DBX1: variants seen among roughly 807,000 people sequenced by gnomAD.
The protein encoded by DBX1 is developing brain homeobox 1, also known as homeobox protein DBX1.
A neutral mutation model predicts 20.8 loss-of-function variants in DBX1; 10 were observed. The ratio of observed to expected loss-of-function variants is 0.48; its 90% CI spans 0.30 to 0.82. DBX1 has a LOEUF of 0.82. Ranked by LOEUF, DBX1 falls within the 40% of genes least tolerant of loss-of-function variation. The probability of loss-of-function intolerance (pLI) is 0.07; values close to 1 mark genes in which losing one functional copy is unlikely to be tolerated. For missense variants in DBX1, 505 were observed against 468.8 expected (o/e 1.08, Z -0.71); for synonymous variants, 241 against 213.9 (o/e 1.13, Z -1.11).
chr11:20,158,538 T>C lies in DBX1; in HGVS notation c.469+653A>G, dbSNP rs1348782665. 6.6e-5 allele frequency among the ~76,000 whole-genome samples: 10 copies of C among 152,168 alleles called. No homozygotes were observed. In the South Asian group the frequency reaches 8.3e-4, roughly 13 times the overall value. On this transcript the variant is annotated intron_variant, in intron 2 of 3. Transcript: ENST00000524983. ...TTATGGGCTTTCTTCTAACTGCTTC[T>C]TATTTTGCAAGATCAACGGTATTTT...
chr11:20,158,016 A>C (rs1003532920), intron 2 of DBX1, among the ~76,000 whole-genome samples: 4 of 152,180 alleles, frequency 2.6e-5, no homozygotes, highest in African/African-American at 9.7e-5. Context: ...AAAGAGATTT[A>C]CACTTTCAAA....
intron 2 of DBX1, among the ~76,000 whole-genome samples, chr11:20,158,089 G>C (rs563940159): frequency 9.2e-5 from 14 of 152,000 alleles, no homozygotes; most frequent in Non-Finnish European, 1.8e-4. Context: ...TCTCTTCCCC[G>C]AATCGTTTTC....
chr11:20,160,003 GA>G lies in DBX1; in HGVS notation c.321del (p.Leu108Ter). The G allele has an allele frequency of 6.2e-7, 1 of 1,613,426 alleles. No individual in the cohort carries two copies. Among genetic ancestry groups the G allele is most frequent in the Non-Finnish European group, 8.5e-7 (1 of 1,179,780 alleles). On this transcript the variant is annotated frameshift_variant, in exon 1 of 4. Transcript: ENST00000524983. LOFTEE classifies it high-confidence loss of function. ...AGGATGGCGTTCACTCCAAACTTCAGAAACGTCGTCTCGCTGGCAGGGGAGA... is the reference window on the plus strand; with the variant it reads ...AGGATGGCGTTCACTCCAAACTTCAGAACGTCGTCTCGCTGGCAGGGGAGA... ...TAFSPASETTFLKFGVNAILS... is the reference protein window; with the variant it reads ...TAFSPASETTXLKFGVNAILS...
At chr11:20,158,210 TGG>T (rs2063670047) in intron 2 of DBX1, among the ~76,000 whole-genome samples, 1 of 46,720 alleles carries the variant, frequency 2.1e-5, no homozygotes, top group African/African-American at 7.0e-5. Context: ...TGAATGGTGG[TGG>T]TGGTGGTGGT....
Position 20,157,668 on chromosome 11 carries a change from G to GT in DBX1, c.470-430dup, listed in dbSNP as rs1290015089. Among the ~76,000 whole-genome samples, 42 of 152,232 alleles carry GT rather than the reference G, an allele frequency of 2.8e-4. 1 individual carries two copies. In the Middle Eastern group the frequency reaches 0.01, roughly 37 times the overall value. On this transcript the variant is annotated intron_variant, in intron 2 of 3. Coordinates refer to ENST00000524983, the MANE Select transcript of DBX1 (RefSeq NM_001029865.4). ...TTTGCATTCTTTAGATGAAAATGAGGTGCTTTACTATTTTGATAAAGAGGG... is the reference window on the plus strand; with the variant it reads ...TTTGCATTCTTTAGATGAAAATGAGGTTGCTTTACTATTTTGATAAAGAGGG...
At chr11:20,158,286 T>C (rs976456965) in intron 2 of DBX1, among the ~76,000 whole-genome samples, 9 of 151,730 alleles carry the variant, frequency 5.9e-5, no homozygotes, top group African/African-American at 1.9e-4. Context: ...CTTTAAAAAA[T>C]CAATTGCTTG....
In DBX1 at chr11:20,156,683, G is replaced by C. The variant is rs759884203; in HGVS notation, c.673-110C>G. 5 of 1,488,900 alleles carry C rather than the reference G, an allele frequency of 3.4e-6. No homozygotes were observed. The East Asian group carries it at 6.8e-5, about 20-fold the overall frequency. The allele number at this position is 1,488,900 out of a possible 1,614,324, so 92.2% of individuals were successfully genotyped here. ...GTCGGGTGCAGGCTCTGTCCTTCGG[G>C]CTGTGTCCTCTCCCCACCCCCAGAA... On this transcript the variant is annotated intron_variant, in intron 3 of 3. Coordinates refer to ENST00000524983, the MANE Select transcript of DBX1 (RefSeq NM_001029865.4). The surrounding 1 kb of genome is among the most constrained non-coding windows in gnomAD (Gnocchi z 4.8).
rs541673912 is a variant in DBX1 at position 20,156,813 on chromosome 11, G to C, written c.672+224C>G. On this transcript the variant is annotated intron_variant, in intron 3 of 3. Coordinates refer to ENST00000524983, the MANE Select transcript of DBX1 (RefSeq NM_001029865.4). This position sits in a 1 kb window ranked among gnomAD's most constrained non-coding sequence, Gnocchi z 4.8. ...GCCCCGAAGGGCGGGGTTGGGGGCC[G>C]GTGAGGCCGGGAGAGAAGGCGGGGA... The C allele has an allele frequency of 5.2e-6, 4 of 771,002 alleles. No individual in the cohort carries two copies. Among genetic ancestry groups the C allele is most frequent in the African/African-American group, 3.4e-5 (2 of 57,998 alleles). 47.8% of individuals were successfully genotyped at this position (771,002 alleles called of 1,614,324 possible).
intron 2 of DBX1, among the ~76,000 whole-genome samples, chr11:20,157,882 C>T (rs1421039382): frequency 6.6e-6 from 1 of 150,838 alleles, no homozygotes. Context: ...TTGCTTTAAG[C>T]GAAAGAAAAA....
chr11:20,158,774 G>A (rs998009000), intron 2 of DBX1, among the ~76,000 whole-genome samples: 2 of 152,080 alleles, frequency 1.3e-5, no homozygotes, highest in Middle Eastern at 3.2e-3. Flanking sequence ...TCTCGGCGGC[G>A]TGGAGGGACT....
At position 20,156,680 on chromosome 11, in the gene DBX1, C is replaced by G. The variant is rs369859074; in HGVS notation, c.673-107G>C. On this transcript the variant is annotated intron_variant, in intron 3 of 3. Coordinates refer to ENST00000524983, the MANE Select transcript of DBX1 (RefSeq NM_001029865.4). The surrounding 1 kb of genome is among the most constrained non-coding windows in gnomAD (Gnocchi z 4.8). ...GGAGTCGGGTGCAGGCTCTGTCCTT[C>G]GGGCTGTGTCCTCTCCCCACCCCCA... is the stretch of plus-strand genomic sequence containing the variant. 6 of 1,506,110 alleles carry G rather than the reference C, an allele frequency of 4.0e-6. No homozygotes were observed. The highest frequency in any genetic ancestry group is 5.5e-6 in the Non-Finnish European group (6 of 1,085,904). 93.3% of individuals were successfully genotyped at this position (1,506,110 alleles called of 1,614,324 possible).
At position 20,156,367 on chromosome 11, in the gene DBX1, C is replaced by T; in HGVS notation, c.879G>A (p.Ala293=). 5 of 1,605,710 alleles carry T rather than the reference C, an allele frequency of 3.1e-6. No homozygotes were observed. Among genetic ancestry groups the T allele is most frequent in the Non-Finnish European group, 4.3e-6 (5 of 1,174,468 alleles). The change falls in exon 4 of 4, where the codon GCG becomes GCA. Residue 293 remains alanine, a synonymous_variant. Transcript: ENST00000524983. This position sits in a 1 kb window ranked among gnomAD's most constrained non-coding sequence, Gnocchi z 4.8. ...GSPSHRLAYH[A]SSDPQHLRDP... is the part of the protein sequence containing the mutation. Reference sequence around the variant, plus strand: ...CCCGCAGGTGCTGGGGGTCGGAGGACGCGTGGTAGGCCAGGCGGTGGCTGG... The same window carrying T: ...CCCGCAGGTGCTGGGGGTCGGAGGATGCGTGGTAGGCCAGGCGGTGGCTGG...
In DBX1 at chr11:20,160,387, C is replaced by T. The variant is rs61127830; in HGVS notation, c.-63G>A. 2.3e-3 allele frequency: 3,239 copies of T among 1,402,404 alleles called. 62 individuals carry two copies. In the African/African-American group the frequency reaches 0.04, roughly 17 times the overall value. The allele number at this position is 1,402,404 out of a possible 1,614,324, so 86.9% of individuals were successfully genotyped here. A position where few individuals can be genotyped will look rare whatever the true frequency, so the allele number is the denominator to read the frequency against. On this transcript the variant is annotated 5_prime_UTR_variant, in exon 1 of 4. Coordinates refer to ENST00000524983, the MANE Select transcript of DBX1 (RefSeq NM_001029865.4). ...GGCCGGAGGGTAAACGCCTCGCTTC[C>T]CGCCCCTCCCGCCCCCACAGTGTCC... is the stretch of plus-strand genomic sequence containing the variant.
chr11:20,160,107 GC>G lies in DBX1; in HGVS notation c.217del (p.Ala73ProfsTer36), dbSNP rs1456689834. On this transcript the variant is annotated frameshift_variant, in exon 1 of 4. Transcript: ENST00000524983. LOFTEE classifies it high-confidence loss of function. Reference sequence around the variant, plus strand: ...GTCCGAGGCCCCCGTGTCGGTGAGGGCCGTGGGGGCCCCCTGCCTGGGCGGC... The same window carrying G: ...GTCCGAGGCCCCCGTGTCGGTGAGGGCGTGGGGGCCCCCTGCCTGGGCGGC... ...MSPPRQGAPTALTDTGASDLG... is the reference protein window; with the variant it reads ...MSPPRQGAPTXLTDTGASDLG... 1.3e-6 allele frequency: 2 copies of G among 1,552,128 alleles called. No homozygotes were observed. Among genetic ancestry groups the G allele is most frequent in the Non-Finnish European group, 1.7e-6 (2 of 1,147,388 alleles).
In DBX1 at chr11:20,159,331, G is replaced by A. The variant is rs757348889; in HGVS notation, c.368-39C>T. On this transcript the variant is annotated intron_variant, in intron 1 of 3. Coordinates refer to ENST00000524983, the MANE Select transcript of DBX1 (RefSeq NM_001029865.4). ...GAGGGGGGACAGAAGGAGAGAGGGA[G>A]ACAGAAAGAATCTGATTACGTACTT... 19 of 1,372,056 alleles carry A rather than the reference G, an allele frequency of 1.4e-5. No individual in the cohort carries two copies. The Admixed American group carries it at 2.9e-4, about 21-fold the overall frequency. The allele number at this position is 1,372,056 out of a possible 1,614,324, so 85.0% of individuals were successfully genotyped here.
chr11:20,157,325 T>G (rs529493372), intron 2 of DBX1, 86 bp from the exon 3 acceptor site: 1 of 1,269,352 alleles, frequency 7.9e-7, no homozygotes, highest in African/African-American at 1.5e-5. Context: ...CTCTGATCCC[T>G]TCATCTCTTT....
intron 2 of DBX1, among the ~76,000 whole-genome samples, chr11:20,157,715 T>G (rs904859289): frequency 2.6e-5 from 4 of 152,224 alleles, no homozygotes; most frequent in African/African-American, 9.6e-5. Flanking sequence ...TTAGATTTTT[T>G]GAAAAATCCA....
At chr11:20,157,286 G>C (rs2063665134) in intron 2 of DBX1, 47 bp from the exon 3 acceptor site, 3 of 1,485,644 alleles carry the variant, frequency 2.0e-6, no homozygotes, top group Non-Finnish European at 1.8e-6. Context: ...ACGCCCCCCA[G>C]TCCCAACACG....
In DBX1 at chr11:20,160,164, A is replaced by G. The variant is rs778529888; in HGVS notation, c.161T>C (p.Leu54Pro). Residue 54 changes from leucine to proline, a missense_variant, in exon 1 of 4, where the codon CTG (leucine) becomes CCG (proline). Coordinates refer to ENST00000524983, the MANE Select transcript of DBX1 (RefSeq NM_001029865.4). ...LIRISRPPAYLPRSVPTASMS... is the reference protein window; with the variant it reads ...LIRISRPPAYPPRSVPTASMS... ...GCTGGCGGTGGGCACGCTGCGGGGC[A>G]GGTAGGCGGGGGGTCGGCTGATGCG... 2.3e-5 allele frequency: 35 copies of G among 1,548,486 alleles called. No individual in the cohort carries two copies. The Admixed American group carries it at 6.7e-4, about 30-fold the overall frequency.
Sources: allele counts gnomAD v4.1 joint callset (sites outside exome capture counted in the v4.1 genomes callset), GRCh38; gene constraint gnomAD v4.1.1; non-coding constraint Gnocchi (gnomAD v3.1); transcripts MANE v1.5; gene names NCBI Gene and HGNC (gene_info 2026-07-23, HGNC 2026-07-21).